Variants in SHISA9 observed in about 807,000 individuals in gnomAD.
SHISA9 encodes the protein protein shisa-9.
A neutral mutation model predicts 38.0 loss-of-function variants in SHISA9; 13 were observed. The observed-to-expected ratio is 0.34, with a 90% CI of 0.22 to 0.54. SHISA9 has a LOEUF of 0.54. Ranked by LOEUF, SHISA9 falls within the 20% of genes least tolerant of loss-of-function variation. SHISA9 has a pLI of 0.91. For missense variants in SHISA9, 538 were observed against 575.8 expected (o/e 0.93, Z 0.67); for synonymous variants, 275 against 242.0 (o/e 1.14, Z -1.27).
intron 2 of SHISA9, among the ~76,000 whole-genome samples, chr16:13,032,704 A>T (rs1341734129): frequency 6.6e-6 from 1 of 152,162 alleles, no homozygotes; most frequent in Non-Finnish European, 1.5e-5. Context: ...ACTTTCTATT[A>T]TATCTTATGG....
At chr16:13,465,808 C>T in the SHISA9 span, among the ~76,000 whole-genome samples, 1 of 152,206 alleles carries the variant, frequency 6.6e-6, no homozygotes, top group Non-Finnish European at 1.5e-5. Flanking sequence ...AGAGGCTGGC[C>T]AACTATGGCC....
At chr16:13,116,561 G>C (rs2074032668) in intron 2 of SHISA9, among the ~76,000 whole-genome samples, 2 of 152,224 alleles carry the variant, frequency 1.3e-5, no homozygotes, top group Admixed American at 1.3e-4. Flanking sequence ...TAGTTGCTAT[G>C]TTCTGTGAGC....
At chr16:13,091,470 C>T (rs909358008) in intron 2 of SHISA9, among the ~76,000 whole-genome samples, 4 of 152,098 alleles carry the variant, frequency 2.6e-5, no homozygotes, top group African/African-American at 7.2e-5. Context: ...TCATGTAGTC[C>T]CATATTCCTT....
chr16:13,118,453 C>G (rs745795066), intron 2 of SHISA9, among the ~76,000 whole-genome samples: 2 of 152,176 alleles, frequency 1.3e-5, no homozygotes, highest in Non-Finnish European at 2.9e-5. Context: ...ACAGCAAGAA[C>G]AGGCAGTCAT....
intron 2 of SHISA9, among the ~76,000 whole-genome samples, chr16:13,196,410 A>AG (rs2050943165): frequency 6.6e-6 from 1 of 150,636 alleles, no homozygotes; most frequent in Non-Finnish European, 1.5e-5. Flanking sequence ...AAAAAAAAAA[A>AG]GAAAGAAAAA....
chr16:13,379,617 C>A, the SHISA9 span, among the ~76,000 whole-genome samples: 1 of 152,204 alleles, frequency 6.6e-6, no homozygotes, highest in Non-Finnish European at 1.5e-5. Flanking sequence ...TTATTCCCTT[C>A]TCCCTGTTTC....
At chr16:12,905,086 C>T (rs1434278753) in intron 1 of SHISA9, among the ~76,000 whole-genome samples, 1 of 152,172 alleles carries the variant, frequency 6.6e-6, no homozygotes, top group African/African-American at 2.4e-5. Flanking sequence ...GGAAAAGGAA[C>T]TAATGCCTGC....
At chr16:12,960,010 A>G (rs1180241154) in intron 2 of SHISA9, among the ~76,000 whole-genome samples, 1 of 152,252 alleles carries the variant, frequency 6.6e-6, no homozygotes, top group Non-Finnish European at 1.5e-5. Context: ...CTAATTATAT[A>G]GTATTTGGAA....
chr16:13,538,459 CATAAA>C, the SHISA9 span, among the ~76,000 whole-genome samples: 3 of 152,294 alleles, frequency 2.0e-5, no homozygotes, highest in African/African-American at 7.2e-5. Flanking sequence ...TAGAGCTTGT[CATAAA>C]ATACATACAG....
chr16:13,200,264 T>C (rs1435680037), intron 2 of SHISA9, among the ~76,000 whole-genome samples: 1 of 152,102 alleles, frequency 6.6e-6, no homozygotes, highest in Non-Finnish European at 1.5e-5. Context: ...AGTCCTTTGG[T>C]ATGTTTCTTT....
At chr16:13,300,847 T>C in the SHISA9 span, among the ~76,000 whole-genome samples, 3 of 29,584 alleles carry the variant, frequency 1.0e-4, no homozygotes, top group South Asian at 4.7e-3. Flanking sequence ...TCCCCTCTTC[T>C]CTCCTCTCCT....
chr16:13,552,483 T>C, the SHISA9 span, among the ~76,000 whole-genome samples: 1 of 151,390 alleles, frequency 6.6e-6, no homozygotes, highest in Non-Finnish European at 1.5e-5. Flanking sequence ...GCACCTTCTA[T>C]GGTATCGGGC....
chr16:13,542,823 G>T, the SHISA9 span, among the ~76,000 whole-genome samples: 2 of 152,290 alleles, frequency 1.3e-5, no homozygotes, highest in South Asian at 2.1e-4. Flanking sequence ...CAGGGATGGA[G>T]GTTTTGGGGC....
chr16:13,190,158 C>G (rs2050869509), intron 2 of SHISA9, among the ~76,000 whole-genome samples: 1 of 151,336 alleles, frequency 6.6e-6, no homozygotes, highest in Non-Finnish European at 1.5e-5. Context: ...TATACATGTG[C>G]CATGCTGGTG....
At chr16:13,535,921 T>A in the SHISA9 span, among the ~76,000 whole-genome samples, 4 of 152,208 alleles carry the variant, frequency 2.6e-5, no homozygotes, top group African/African-American at 4.8e-5. Context: ...ACTTTTCTTC[T>A]TACTCAGGCA....
chr16:12,956,170 G>A (rs2071831947), intron 2 of SHISA9, among the ~76,000 whole-genome samples: 1 of 151,956 alleles, frequency 6.6e-6, no homozygotes, highest in Non-Finnish European at 1.5e-5. Context: ...GTGAATTAAA[G>A]CCACACTGAG....
intron 2 of SHISA9, among the ~76,000 whole-genome samples, chr16:13,138,095 G>A (rs900307107): frequency 1.2e-4 from 19 of 152,162 alleles, no homozygotes; most frequent in Non-Finnish European, 2.4e-4. Context: ...ACACCCAAAA[G>A]TGATGGTGAT....
chr16:13,077,598 T>C (rs749122774), intron 2 of SHISA9, among the ~76,000 whole-genome samples: 7 of 152,166 alleles, frequency 4.6e-5, no homozygotes, highest in Non-Finnish European at 8.8e-5. Context: ...AAGCCTCTAG[T>C]ACATTTTCTC....
chr16:13,136,690 A>G (rs985069057), intron 2 of SHISA9, among the ~76,000 whole-genome samples: 2 of 152,050 alleles, frequency 1.3e-5, no homozygotes, highest in African/African-American at 4.8e-5. Context: ...GTGAGCCACC[A>G]TGCCCAGCCA....
Sources: allele counts gnomAD v4.1 joint callset (sites outside exome capture counted in the v4.1 genomes callset), GRCh38; gene constraint gnomAD v4.1.1; transcripts MANE v1.5; gene names NCBI Gene and HGNC (gene_info 2026-07-23, HGNC 2026-07-21).